The following MEOX2 variants were observed in gnomAD, a reference collection of about 807,000 sequenced individuals.
The protein encoded by MEOX2 is mesenchyme homeobox 2, also known as homeobox protein MOX-2.
A neutral mutation model predicts 27.0 loss-of-function variants in MEOX2; 11 were observed. That is an observed-to-expected ratio of 0.41 (90% CI 0.26 to 0.68). The LOEUF (loss-of-function observed/expected upper bound fraction) is 0.68, where lower values mean the gene tolerates loss of function less well. Among genes scored for constraint, MEOX2 ranks in the 30% least tolerant of loss-of-function variants. MEOX2 has a pLI of 0.33. For missense variants in MEOX2, 436 were observed against 385.4 expected (o/e 1.13, Z -1.10); for synonymous variants, 189 against 155.4 (o/e 1.22, Z -1.61).
At chr7:15,677,306 G>A (rs902079286) in intron 1 of MEOX2, among the ~76,000 whole-genome samples, 2 of 152,210 alleles carry the variant, frequency 1.3e-5, no homozygotes, top group Admixed American at 6.5e-5. Context: ...ATTGCTTTGT[G>A]TATATTAACT....
intron 1 of MEOX2, among the ~76,000 whole-genome samples, chr7:15,628,416 C>G (rs1452499564): frequency 1.3e-5 from 2 of 152,080 alleles, no homozygotes; most frequent in Non-Finnish European, 2.9e-5. Flanking sequence ...GGCACACTGA[C>G]CATTACTTAT....
chr7:15,613,170 A>G (rs778932060), intron 2 of MEOX2, among the ~76,000 whole-genome samples: 1 of 152,112 alleles, frequency 6.6e-6, no homozygotes, highest in Non-Finnish European at 1.5e-5. Context: ...TTTATTTTCT[A>G]CCTTAATTCA....
At chr7:15,620,722 A>G (rs1221629557) in intron 2 of MEOX2, among the ~76,000 whole-genome samples, 3 of 152,236 alleles carry the variant, frequency 2.0e-5, no homozygotes, top group Non-Finnish European at 2.9e-5. Context: ...TATGAGTAAA[A>G]AACAAAACAT....
intron 1 of MEOX2, among the ~76,000 whole-genome samples, chr7:15,638,521 C>T (rs888015701): frequency 9.2e-5 from 14 of 151,980 alleles, no homozygotes; most frequent in Admixed American, 5.9e-4. Flanking sequence ...GGTTCAGAGG[C>T]GTACATGTGA....
chr7:15,673,951 G>A lies in MEOX2; in HGVS notation c.517+11935C>T, dbSNP rs1225165342. Among the ~76,000 whole-genome samples, 6 of 151,972 alleles carry A rather than the reference G, an allele frequency of 3.9e-5. No individual in the cohort carries two copies. The South Asian group carries it at 6.2e-4, about 16-fold the overall frequency. ...GTGAAAAGTTCACTTTGCCACAAAA[G>A]CAGTGCTCTAAATACACACACATAC... On this transcript the variant is annotated intron_variant, in intron 1 of 2. Coordinates refer to ENST00000262041, the MANE Select transcript of MEOX2 (RefSeq NM_005924.5).
intron 1 of MEOX2, among the ~76,000 whole-genome samples, chr7:15,635,739 C>T (rs750589909): frequency 8.6e-5 from 13 of 151,912 alleles, no homozygotes; most frequent in Non-Finnish European, 1.8e-4. Context: ...TAGGAATTTA[C>T]ACAGTGACTA....
intron 1 of MEOX2, among the ~76,000 whole-genome samples, chr7:15,654,519 A>G (rs1781789543): frequency 6.6e-6 from 1 of 151,752 alleles, no homozygotes; most frequent in Admixed American, 6.6e-5. Context: ...CATCATTAGT[A>G]TGTTAATTGT....
At chr7:15,663,591 G>C (rs961468123) in intron 1 of MEOX2, among the ~76,000 whole-genome samples, 2 of 151,812 alleles carry the variant, frequency 1.3e-5, no homozygotes, top group South Asian at 2.1e-4. Context: ...CACTCACCTT[G>C]GACTCCCAAA....
intron 1 of MEOX2, among the ~76,000 whole-genome samples, chr7:15,628,060 T>C (rs998098266): frequency 3.3e-5 from 5 of 152,224 alleles, no homozygotes; most frequent in Admixed American, 2.6e-4. Flanking sequence ...AAGATGATCA[T>C]TAACCAAAGG....
At chr7:15,651,346 C>T (rs1367701496) in intron 1 of MEOX2, among the ~76,000 whole-genome samples, 1 of 151,882 alleles carries the variant, frequency 6.6e-6, no homozygotes, top group Non-Finnish European at 1.5e-5. Context: ...AAAAAATAAT[C>T]AGTTAACTCT....
At chr7:15,645,699 T>G (rs535386939) in intron 1 of MEOX2, among the ~76,000 whole-genome samples, 1 of 152,170 alleles carries the variant, frequency 6.6e-6, no homozygotes, top group Non-Finnish European at 1.5e-5. Context: ...TCAAGTGGTA[T>G]CTTGGCTGTC....
intron 1 of MEOX2, among the ~76,000 whole-genome samples, chr7:15,645,450 G>C (rs1562604054): frequency 1.3e-5 from 2 of 152,064 alleles, no homozygotes; most frequent in Non-Finnish European, 2.9e-5. Flanking sequence ...TAAAAGTATA[G>C]ACATGGGCTC....
chr7:15,685,091 G>T (rs1276346486), intron 1 of MEOX2, among the ~76,000 whole-genome samples: 1 of 152,180 alleles, frequency 6.6e-6, no homozygotes, highest in African/African-American at 2.4e-5. Flanking sequence ...CTGTTGCTTC[G>T]CAGTATTTGT....
At chr7:15,622,668 G>A (rs1781238893) in intron 2 of MEOX2, among the ~76,000 whole-genome samples, 1 of 151,876 alleles carries the variant, frequency 6.6e-6, no homozygotes, top group Non-Finnish European at 1.5e-5. Context: ...GATTATATAG[G>A]GTCAAGATAT....
chr7:15,674,684 G>A (rs190377191), intron 1 of MEOX2, among the ~76,000 whole-genome samples: 4 of 151,998 alleles, frequency 2.6e-5, no homozygotes, highest in African/African-American at 9.6e-5. Context: ...TGAGAGTCTT[G>A]TAAGAACTAA....
intron 1 of MEOX2, among the ~76,000 whole-genome samples, chr7:15,641,783 G>A (rs1781564677): frequency 6.6e-6 from 1 of 151,874 alleles, no homozygotes; most frequent in African/African-American, 2.4e-5. Flanking sequence ...GAACTCCCTT[G>A]AGCATTTCTT....
intron 1 of MEOX2, among the ~76,000 whole-genome samples, chr7:15,647,397 A>C (rs938918786): frequency 1.3e-5 from 2 of 152,120 alleles, no homozygotes; most frequent in Non-Finnish European, 2.9e-5. Context: ...ATATGGCTGC[A>C]AGCTACATTT....
intron 1 of MEOX2, among the ~76,000 whole-genome samples, 163 bp downstream of exon 1, chr7:15,685,723 A>G (rs1450368723): frequency 6.6e-6 from 1 of 152,230 alleles, no homozygotes; most frequent in Non-Finnish European, 1.5e-5. Context: ...CCCAAATATC[A>G]GGACCAAAGC....
chr7:15,618,375 A>G (rs1486836863), intron 2 of MEOX2, among the ~76,000 whole-genome samples: 3 of 152,046 alleles, frequency 2.0e-5, no homozygotes, highest in Non-Finnish European at 4.4e-5. Flanking sequence ...GTGTTATAAA[A>G]TTACTGAATA....
Sources: allele counts gnomAD v4.1 joint callset (sites outside exome capture counted in the v4.1 genomes callset), GRCh38; gene constraint gnomAD v4.1.1; transcripts MANE v1.5; gene names NCBI Gene and HGNC (gene_info 2026-07-23, HGNC 2026-07-21).